Variants in ABLIM1 observed in about 807,000 individuals in gnomAD.
The protein encoded by ABLIM1 is actin-binding LIM protein 1.
A neutral mutation model predicts 107.0 loss-of-function variants in ABLIM1; 40 were observed. That is an observed-to-expected ratio of 0.37 (90% CI 0.29 to 0.49). The LOEUF is 0.49. Ranked by LOEUF, ABLIM1 falls within the 20% of genes least tolerant of loss-of-function variation. ABLIM1 has a pLI of 0.97. For synonymous variants in ABLIM1, 357 were observed against 357.3 expected, an observed-to-expected ratio of 1.00 and a Z score of 0.01; for missense variants, 857 against 1,008.5, an observed-to-expected ratio of 0.85 and a Z score of 2.04.
chr10:114,677,832 G>A (rs2080558409), intron 1 of ABLIM1, among the ~76,000 whole-genome samples: 1 of 152,188 alleles, frequency 6.6e-6, no homozygotes, highest in African/African-American at 2.4e-5. Flanking sequence ...CAAGCTGACT[G>A]TAATTGAGTA....
intron 2 of ABLIM1, among the ~76,000 whole-genome samples, chr10:114,584,633 A>T (rs966074359): frequency 3.3e-5 from 5 of 152,212 alleles, no homozygotes; most frequent in Non-Finnish European, 2.9e-5. Context: ...TTGCTAATGC[A>T]TTGTTCTGAA....
At chr10:114,484,916 T>C (rs149135996) in intron 8 of ABLIM1, among the ~76,000 whole-genome samples, 57 of 152,342 alleles carry the variant, frequency 3.7e-4, no homozygotes, top group African/African-American at 1.3e-3. Flanking sequence ...TAGCCTGGGA[T>C]GGGTTTCTGT....
At position 114,629,566 on chromosome 10, in the gene ABLIM1, A is replaced by T. The variant is rs539211710; in HGVS notation, c.245-27605T>A. ...ATGGAGACACAGTGCCACTTCTGAA[A>T]GGCTCACCATCTTGTGACAGAGATA... On this transcript the variant is annotated intron_variant, in intron 1 of 22. Coordinates refer to ENST00000533213, the MANE Select transcript of ABLIM1 (RefSeq NM_002313.7). The surrounding 1 kb of genome is among the most constrained non-coding windows in gnomAD (Gnocchi z 4.0). Among the ~76,000 whole-genome samples, 2 of 152,324 alleles carry T rather than the reference A, an allele frequency of 1.3e-5. No homozygotes were observed. Among genetic ancestry groups the T allele is most frequent in the East Asian group, 3.9e-4 (2 of 5,182 alleles).
At chr10:114,648,665 G>T (rs1385184198) in intron 1 of ABLIM1, among the ~76,000 whole-genome samples, 1 of 152,198 alleles carries the variant, frequency 6.6e-6, no homozygotes, top group Non-Finnish European at 1.5e-5. Flanking sequence ...TGTTAAAGTG[G>T]TGAATGTTAT....
chr10:114,532,888 C>T (rs1407081125), intron 6 of ABLIM1, among the ~76,000 whole-genome samples: 1 of 152,132 alleles, frequency 6.6e-6, no homozygotes, highest in Non-Finnish European at 1.5e-5. Flanking sequence ...TAGAGACCCA[C>T]TTGTCTGTTT....
Position 114,445,417 on chromosome 10 carries a change from A to G in ABLIM1, c.1736-14T>C, listed in dbSNP as rs772875675. 6.2e-7 allele frequency: 1 copy of G among 1,609,528 alleles called. No individual in the cohort carries two copies. ...TCATGTCAGGTCCTAATTCCACAGCAAAGACAACTTCTCACATCAGCCCCA... is the reference window on the plus strand; with the variant it reads ...TCATGTCAGGTCCTAATTCCACAGCGAAGACAACTTCTCACATCAGCCCCA... On this transcript the variant is annotated splice_polypyrimidine_tract_variant and intron_variant, in intron 15 of 22. Coordinates refer to ENST00000533213, the MANE Select transcript of ABLIM1 (RefSeq NM_002313.7).
chr10:114,576,520 T>TG (rs1299035156), intron 2 of ABLIM1, among the ~76,000 whole-genome samples: 2 of 152,168 alleles, frequency 1.3e-5, no homozygotes, highest in African/African-American at 4.8e-5. Flanking sequence ...GGTATTCAGT[T>TG]GGGGTGGGGA....
chr10:114,759,774 G>A (rs2082705258), intron 1 of ABLIM1, among the ~76,000 whole-genome samples: 1 of 152,122 alleles, frequency 6.6e-6, no homozygotes, highest in Admixed American at 6.5e-5. Flanking sequence ...ACACCATAAG[G>A]CATGCTGGCT....
chr10:114,595,927 C>T (rs2139766640), intron 2 of ABLIM1, among the ~76,000 whole-genome samples: 1 of 152,302 alleles, frequency 6.6e-6, no homozygotes, highest in South Asian at 2.1e-4. Context: ...ATTTCAGAGC[C>T]CTACTGGACT....
At chr10:114,795,177 C>T in the ABLIM1 span, among the ~76,000 whole-genome samples, 1 of 152,084 alleles carries the variant, frequency 6.6e-6, no homozygotes, top group Admixed American at 6.6e-5. Flanking sequence ...AATAGTCATG[C>T]GCATACAAAT....
chr10:114,764,387 T>TTTG (rs1566317167), intron 1 of ABLIM1, among the ~76,000 whole-genome samples: 2 of 152,246 alleles, frequency 1.3e-5, no homozygotes, highest in African/African-American at 4.8e-5. Context: ...TTGTTTGTTT[T>TTTG]TTTGAGATAG....
In ABLIM1 at chr10:114,448,819, A is replaced by G. The variant is rs2139515392; in HGVS notation, c.1595-799T>C. 1.3e-5 allele frequency among the ~76,000 whole-genome samples: 2 copies of G among 152,240 alleles called. 1 individual carries two copies. The highest frequency in any genetic ancestry group is 3.9e-4 in the East Asian group (2 of 5,170). On this transcript the variant is annotated intron_variant, in intron 14 of 22. Coordinates refer to ENST00000533213, the MANE Select transcript of ABLIM1 (RefSeq NM_002313.7). ...AGTAGAGACAGGGTTTCTCCTGGCC[A>G]GGTTGGTCTCGAACTCCTGACCTCA...
At chr10:114,781,671 T>A in the ABLIM1 span, among the ~76,000 whole-genome samples, 1 of 136,308 alleles carries the variant, frequency 7.3e-6, no homozygotes, top group Non-Finnish European at 1.6e-5. Context: ...CGTGTATATA[T>A]ATATATATAT....
chr10:114,665,116 C>CAA (rs34831708), intron 1 of ABLIM1, among the ~76,000 whole-genome samples: 1 of 144,538 alleles, frequency 6.9e-6, no homozygotes, highest in African/African-American at 2.5e-5. Flanking sequence ...GACTCCGTCT[C>CAA]AAAAAAAAAA....
chr10:114,494,590 C>T (rs2059427780), intron 6 of ABLIM1, among the ~76,000 whole-genome samples: 1 of 152,014 alleles, frequency 6.6e-6, no homozygotes, highest in African/African-American at 2.4e-5. Flanking sequence ...GAAAACAACC[C>T]CAATAAAGAA....
At chr10:114,601,576 G>A in intron 2 of ABLIM1, 1 of 585,418 alleles carries the variant, frequency 1.7e-6, no homozygotes, top group Non-Finnish European at 3.1e-6. Flanking sequence ...CTCGTTCTCA[G>A]TGTTAGTCCC....
At chr10:114,502,682 A>C (rs1274648783) in intron 6 of ABLIM1, among the ~76,000 whole-genome samples, 1 of 152,092 alleles carries the variant, frequency 6.6e-6, no homozygotes, top group Non-Finnish European at 1.5e-5. Flanking sequence ...TTTTTAGTAG[A>C]GACGGGGCTT....
At chr10:114,442,714 G>C (rs1332754577) in intron 17 of ABLIM1, among the ~76,000 whole-genome samples, 2 of 152,190 alleles carry the variant, frequency 1.3e-5, no homozygotes, top group African/African-American at 4.8e-5. Context: ...TTCTATACCA[G>C]CCTCCTGATT....
chr10:114,798,434 A>AT, the ABLIM1 span, among the ~76,000 whole-genome samples: 1 of 151,284 alleles, frequency 6.6e-6, no homozygotes, highest in East Asian at 2.0e-4. Flanking sequence ...AAAAAAAAAA[A>AT]CAACATGGTA....
Sources: gnomAD v4.1 joint callset for allele counts (sites outside exome capture counted in the v4.1 genomes callset) on GRCh38, gnomAD v4.1.1 for gene constraint, Gnocchi (gnomAD v3.1) non-coding constraint, MANE v1.5 for transcripts, NCBI Gene and HGNC (gene_info 2026-07-23, HGNC 2026-07-21) for gene names.